The following SYNJ1 variants were observed in gnomAD, a reference collection of about 807,000 sequenced individuals.
SYNJ1 encodes synaptojanin 1.
Under a neutral mutation model 168.2 loss-of-function variants are expected in SYNJ1, and 78 were observed. That is an observed-to-expected ratio of 0.46 (90% CI 0.39 to 0.56). The LOEUF (loss-of-function observed/expected upper bound fraction) is 0.56, where lower values mean the gene tolerates loss of function less well. SYNJ1 is among the 20% of genes least tolerant of loss of function. SYNJ1 has a pLI of 0.00. For missense variants in SYNJ1, 1,303 were observed against 1,597.6 expected (o/e 0.82, Z 3.14); for synonymous variants, 539 against 548.6 (o/e 0.98, Z 0.24).
At chr21:32,647,141 A>G (rs1479610488) in intron 23 of SYNJ1, among the ~76,000 whole-genome samples, 1 of 152,192 alleles carries the variant, frequency 6.6e-6, no homozygotes, top group Admixed American at 6.5e-5. Context: ...TGGGTAGGAA[A>G]GTGGGCACAA....
At chr21:32,658,524 C>T (rs1254940924) in intron 18 of SYNJ1, 5 of 152,288 alleles carry the variant, frequency 3.3e-5, no homozygotes, top group Admixed American at 6.5e-5. Flanking sequence ...GATAAGAACT[C>T]GGGTGCCATG....
At chr21:32,672,059 CAAAAAAAAAA>C (rs1160074724) in intron 14 of SYNJ1, among the ~76,000 whole-genome samples, 1 of 24,664 alleles carries the variant, frequency 4.1e-5, no homozygotes, top group African/African-American at 1.8e-4. Context: ...AACTCAATCT[CAAAAAAAAAA>C]AAAAAAAAAA....
intron 31 of SYNJ1, among the ~76,000 whole-genome samples, chr21:32,637,406 C>CTTTTTTTTTTTTTTT (rs5843562): frequency 1.0e-5 from 1 of 100,298 alleles, no homozygotes; most frequent in Non-Finnish European, 1.9e-5. Flanking sequence ...TTTCTTTTTT[C>CTTTTTTTTTTTTTTT]TTTTTTTTTT....
At chr21:32,634,554 G>A (rs2039477308) in intron 32 of SYNJ1, among the ~76,000 whole-genome samples, 3 of 152,060 alleles carry the variant, frequency 2.0e-5, no homozygotes, top group Non-Finnish European at 4.4e-5. Flanking sequence ...AACCGATCTG[G>A]TTTTGCCAAA....
chr21:32,641,118 TA>T (rs2039816625), intron 29 of SYNJ1, among the ~76,000 whole-genome samples: 1 of 152,212 alleles, frequency 6.6e-6, no homozygotes, highest in Non-Finnish European at 1.5e-5. Context: ...TCTATCTTCA[TA>T]GGAAGTGGTT....
In SYNJ1 at chr21:32,646,563, A is replaced by G. The variant is rs1390724028; in HGVS notation, c.3077T>C (p.Leu1026Pro). The G allele has an allele frequency of 6.2e-7, 1 of 1,614,054 alleles. No homozygotes were observed. The highest frequency in any genetic ancestry group is 1.3e-5 in the African/African-American group (1 of 74,912). Residue 1026 changes from leucine to proline, a missense_variant, in exon 24 of 33, where the codon CTT becomes CCT. Physicochemically the swap from Leu to Pro is moderately conservative, Grantham distance 98. Transcript: ENST00000674351. ...DDYSAEVEEL[L>P]PQHLQPSSSS... ...TGAAGATGGCTGGAGATGCTGAGGA[A>G]GAAGTTCCTCCACTTCAGCACTATA...
rs2043319408 is a variant in SYNJ1, at chr21:32,723,348, CTAAAA to C, written c.124+3419_124+3423del. Among the ~76,000 whole-genome samples, 3 of 152,178 alleles carry C rather than the reference CTAAAA, an allele frequency of 2.0e-5. 1 individual carries two copies. Among genetic ancestry groups the C allele is most frequent in the South Asian group, 4.1e-4 (2 of 4,830 alleles). On this transcript the variant is annotated intron_variant, in intron 2 of 32. Transcript: ENST00000674351. ...GCTAATCCTCAACACTGTATGCTGA[CTAAAA>C]TGTCTGTTTAAAATTTACTTTTTAA...
intron 2 of SYNJ1, among the ~76,000 whole-genome samples, chr21:32,710,292 A>G (rs2042780201): frequency 1.3e-5 from 2 of 152,172 alleles, no homozygotes; most frequent in Admixed American, 1.3e-4. Context: ...CCATGAGTTG[A>G]TATTATGGAG....
At chr21:32,633,040 A>G (rs992645593) in intron 32 of SYNJ1, among the ~76,000 whole-genome samples, 1 of 152,144 alleles carries the variant, frequency 6.6e-6, no homozygotes, top group African/African-American at 2.4e-5. Flanking sequence ...ACAAAAACTG[A>G]GTAATGTGAC....
At chr21:32,662,851 T>G (rs2040768817) in intron 18 of SYNJ1, among the ~76,000 whole-genome samples, 1 of 152,064 alleles carries the variant, frequency 6.6e-6, no homozygotes, top group African/African-American at 2.4e-5. Context: ...ATGTAACCCC[T>G]TAGAGCTAGT....
rs1037489715 is a variant in SYNJ1, at chr21:32,684,100, G to A, written c.1138C>T (p.Arg380Ter). 1 of 1,613,528 alleles carries A rather than the reference G, an allele frequency of 6.2e-7. No homozygotes were observed. Among genetic ancestry groups the A allele is most frequent in the Non-Finnish European group, 8.5e-7 (1 of 1,179,686 alleles). Residue 380 changes from arginine (R) to a stop codon, truncating the protein, a stop_gained, in exon 10 of 33, where the codon CGA (arginine) becomes TGA (stop). Transcript: ENST00000674351. LOFTEE classifies it high-confidence loss of function. Reference protein sequence around the residue: ...EVQRCQSGTVRTNCLDCLDRT... With the variant: ...EVQRCQSGTV Reference sequence around the variant, plus strand: ...TCAAGACAATCCAAGCAGTTTGTTCGAACTGTACCACTCTGGCATCTGTAA... The same window carrying A: ...TCAAGACAATCCAAGCAGTTTGTTCAAACTGTACCACTCTGGCATCTGTAA...
rs562245468 is a variant in SYNJ1, at chr21:32,684,126, C to T, written c.1119-7G>A. On this transcript the variant is annotated splice_polypyrimidine_tract_variant and splice_region_variant and intron_variant, in intron 9 of 32. Coordinates refer to ENST00000674351, the MANE Select transcript of SYNJ1 (RefSeq NM_203446.3). ...AACTGTACCACTCTGGCATCTGTAA[C>T]CAATAAAGTTAAATATCCAGTTTGG... is the stretch of plus-strand genomic sequence containing the variant. 6.2e-7 allele frequency: 1 copy of T among 1,612,202 alleles called. No homozygotes were observed. Among genetic ancestry groups the T allele is most frequent in the Admixed American group, 1.7e-5 (1 of 59,988 alleles).
intron 18 of SYNJ1, among the ~76,000 whole-genome samples, chr21:32,662,521 A>C (rs1379632129): frequency 6.6e-6 from 1 of 152,134 alleles, no homozygotes; most frequent in African/African-American, 2.4e-5. Flanking sequence ...CAGTTTTTGA[A>C]GTAAGATTAA....
chr21:32,684,259 A>G, intron 9 of SYNJ1, 140 bp from the exon 10 acceptor site: 1 of 710,108 alleles, frequency 1.4e-6, no homozygotes, highest in Non-Finnish European at 2.3e-6. Context: ...TATACAAAAA[A>G]AATTATACTG....
chr21:32,727,245 T>TA (rs1348350399), intron 1 of SYNJ1, among the ~76,000 whole-genome samples: 3 of 152,222 alleles, frequency 2.0e-5, no homozygotes, highest in Non-Finnish European at 4.4e-5. Context: ...CGGAGCTGTT[T>TA]ATCAGCTTCC....
chr21:32,688,010 A>G (rs2041891294), intron 7 of SYNJ1, among the ~76,000 whole-genome samples: 1 of 151,952 alleles, frequency 6.6e-6, no homozygotes. Context: ...TACTTGCAGC[A>G]CATCTCAACT....
intron 2 of SYNJ1, among the ~76,000 whole-genome samples, chr21:32,709,457 G>A (rs1248296197): frequency 1.6e-5 from 2 of 123,220 alleles, no homozygotes; most frequent in African/African-American, 3.1e-5. Flanking sequence ...CACCCTGGGC[G>A]ACACAGCAAG....
chr21:32,722,189 G>GAAA (rs869294126), intron 2 of SYNJ1, among the ~76,000 whole-genome samples: 48 of 112,548 alleles, frequency 4.3e-4, no homozygotes, highest in African/African-American at 5.5e-4. Flanking sequence ...CCATCTCAAA[G>GAAA]AAAAAAAAAA....
rs910027099 is a variant in SYNJ1, at chr21:32,727,993, G to C, written c.-70C>G. On this transcript the variant is annotated 5_prime_UTR_variant, in exon 1 of 33. Coordinates refer to ENST00000674351, the MANE Select transcript of SYNJ1 (RefSeq NM_203446.3). ...TCCTTCTCCCGCAGCCGCCGCCACA[G>C]CCGCCGGGAGCGTCACTTCCGCTCC... The C allele has an allele frequency of 1.2e-5, 18 of 1,535,866 alleles. No homozygotes were observed. The highest frequency in any genetic ancestry group is 1.6e-5 in the Non-Finnish European group (18 of 1,145,998).
Sources: allele counts gnomAD v4.1 joint callset (sites outside exome capture counted in the v4.1 genomes callset), GRCh38; gene constraint gnomAD v4.1.1; transcripts MANE v1.5; gene names NCBI Gene and HGNC (gene_info 2026-07-23, HGNC 2026-07-21).